Variants in SYT11 observed in about 807,000 individuals in gnomAD.
SYT11 encodes the protein synaptotagmin 11, also known as synaptotagmin-11.
SYT11 carries 12 observed loss-of-function variants against 30.4 expected under a neutral mutation model. The ratio of observed to expected loss-of-function variants is 0.39; its 90% confidence interval spans 0.25 to 0.64. The LOEUF (loss-of-function observed/expected upper bound fraction) is 0.64. Among genes scored for constraint, SYT11 ranks in the 30% least tolerant of loss-of-function variants. The pLI, the probability that SYT11 is intolerant of heterozygous loss-of-function variation, is 0.45. For synonymous variants in SYT11, 204 were observed against 216.0 expected, an observed-to-expected ratio of 0.94 and a Z score of 0.49; for missense variants, 412 against 552.0, an observed-to-expected ratio of 0.75 and a Z score of 2.54.
At chr1:155,859,868 G>GCA in intron 1 of SYT11, 73 bp downstream of exon 1, 1 of 1,400,154 alleles carries the variant, frequency 7.1e-7, no homozygotes, top group Non-Finnish European at 1.0e-6. Context: ...CAGCGGCAGG[G>GCA]CAGAGAATGC....
Position 155,882,333 on chromosome 1 carries a change from A to G in SYT11, c.*825A>G, listed in dbSNP as rs1188647176. On this transcript the variant is annotated 3_prime_UTR_variant, in exon 4 of 4. Transcript: ENST00000368324. ...AAAACCTCATGTTTTCATCATTCCC[A>G]TCTTTTCTTTTTATTGCCTCTTATA... 2 of 152,174 alleles carry G rather than the reference A, an allele frequency of 1.3e-5. No individual in the cohort carries two copies. Among genetic ancestry groups the G allele is most frequent in the African/African-American group, 2.4e-5 (1 of 41,374 alleles). The allele number at this position is 152,174 out of a possible 1,614,324, so 9.4% of individuals were successfully genotyped here.
At position 155,868,805 on chromosome 1, in the gene SYT11, G is replaced by A. The variant is rs200790555; in HGVS notation, c.861+14G>A. On this transcript the variant is annotated intron_variant, in intron 2 of 3. Transcript: ENST00000368324. The surrounding 1 kb of genome is among the most constrained non-coding windows in gnomAD (Gnocchi z 4.7). ...AGGAATATCCAGGTGAGTAGGAAGT[G>A]TGTGTTGGGGAGCAATGGTAGGTTG... 477 of 1,599,884 alleles carry A rather than the reference G, an allele frequency of 3.0e-4. 1 individual carries two copies. The African/African-American group carries it at 5.5e-3, about 19-fold the overall frequency.
Position 155,868,468 on chromosome 1 carries a change from G to A in SYT11, c.538G>A (p.Glu180Lys), listed in dbSNP as rs372339571. The A allele has an allele frequency of 2.5e-6, 4 of 1,614,078 alleles. No homozygotes were observed. The highest frequency in any genetic ancestry group is 3.4e-6 in the Non-Finnish European group (4 of 1,179,980). Residue 180 changes from glutamate to lysine, a missense_variant, in exon 2 of 4, where the codon GAG (glutamate) becomes AAG (lysine). By Grantham distance (56) the Glu-to-Lys change is moderately conservative. Coordinates refer to ENST00000368324, the MANE Select transcript of SYT11 (RefSeq NM_152280.5). The surrounding 1 kb of genome is among the most constrained non-coding windows in gnomAD (Gnocchi z 4.7). ...PKKALVVTIQ[E>K]AHGLPVMDDQ... ...AAAAGCCCTGGTGGTGACAATCCAG[G>A]AGGCCCATGGGCTGCCAGTGATGGA...
At chr1:155,867,379 A>G (rs1672698717) in intron 1 of SYT11, among the ~76,000 whole-genome samples, 1 of 152,084 alleles carries the variant, frequency 6.6e-6, no homozygotes, top group Non-Finnish European at 1.5e-5. Flanking sequence ...TATACCTGGG[A>G]GCTAAAATTT....
At chr1:155,877,859 G>C (rs1273604159) in intron 2 of SYT11, among the ~76,000 whole-genome samples, 1 of 152,166 alleles carries the variant, frequency 6.6e-6, no homozygotes, top group Non-Finnish European at 1.5e-5. Context: ...CCCGGCTATA[G>C]CGGCCTCTTA....
intron 2 of SYT11, among the ~76,000 whole-genome samples, chr1:155,872,610 C>T (rs1032904506): frequency 5.9e-5 from 9 of 152,162 alleles, no homozygotes; most frequent in African/African-American, 2.2e-4. Flanking sequence ...CTTCTGCTTG[C>T]CTGCCCCCCA....
chr1:155,880,893 AG>A (rs1461819606), intron 3 of SYT11, among the ~76,000 whole-genome samples: 1 of 152,216 alleles, frequency 6.6e-6, no homozygotes, highest in African/African-American at 2.4e-5. Flanking sequence ...CTTCTCAAAA[AG>A]GCTGCAGGCA....
At chr1:155,873,263 T>TA (rs1447001454) in intron 2 of SYT11, among the ~76,000 whole-genome samples, 1 of 152,020 alleles carries the variant, frequency 6.6e-6, no homozygotes, top group Non-Finnish European at 1.5e-5. Context: ...CCGTTTCTAC[T>TA]AAAAATACAA....
chr1:155,871,133 A>G (rs976961148), intron 2 of SYT11, among the ~76,000 whole-genome samples: 5 of 152,154 alleles, frequency 3.3e-5, no homozygotes, highest in African/African-American at 1.2e-4. Flanking sequence ...TGTGGTTCTC[A>G]ATGCCAGGAT....
At chr1:155,872,964 C>A (rs927040028) in intron 2 of SYT11, among the ~76,000 whole-genome samples, 2 of 152,058 alleles carry the variant, frequency 1.3e-5, no homozygotes, top group African/African-American at 4.8e-5. Context: ...AAAGGGTAAC[C>A]AGAAGTTGTC....
At chr1:155,871,617 G>C (rs1484732801) in intron 2 of SYT11, among the ~76,000 whole-genome samples, 1 of 152,204 alleles carries the variant, frequency 6.6e-6, no homozygotes, top group Non-Finnish European at 1.5e-5. Flanking sequence ...GCTGCCAGGG[G>C]CTCTTGGCAA....
At chr1:155,862,546 T>A (rs1672610510) in intron 1 of SYT11, among the ~76,000 whole-genome samples, 1 of 152,222 alleles carries the variant, frequency 6.6e-6, no homozygotes, top group African/African-American at 2.4e-5. Context: ...AATATGAGAA[T>A]TCTTCATCTT....
intron 2 of SYT11, among the ~76,000 whole-genome samples, chr1:155,877,543 C>T (rs1192614490): frequency 6.7e-6 from 1 of 149,572 alleles, no homozygotes; most frequent in Non-Finnish European, 1.5e-5. Flanking sequence ...CACGCCACTG[C>T]GCCCAGCTAA....
chr1:155,871,593 A>G (rs1451310882), intron 2 of SYT11, among the ~76,000 whole-genome samples: 3 of 152,196 alleles, frequency 2.0e-5, no homozygotes, highest in African/African-American at 7.2e-5. Flanking sequence ...AGCACAGACA[A>G]TGGCATTTGC....
Position 155,881,227 on chromosome 1 carries a change from G to A in SYT11, c.1015G>A (p.Gly339Ser), listed in dbSNP as rs774048862. The A allele has an allele frequency of 4.3e-6, 7 of 1,613,906 alleles. No individual in the cohort carries two copies. The highest frequency in any genetic ancestry group is 2.2e-5 in the South Asian group (2 of 91,064). ...TTATGTCAAGGTGAACGTCTACTAC[G>A]GCAGAAAGCGCATTGCCAAGAAGAA... ...NPYVKVNVYY[G>S]RKRIAKKKTH... is the part of the protein sequence containing the mutation. Residue 339 changes from glycine to serine, a missense_variant, in exon 4 of 4, where the codon GGC (glycine) becomes AGC (serine). Gly to Ser is a moderately conservative substitution (Grantham distance 56). Coordinates refer to ENST00000368324, the MANE Select transcript of SYT11 (RefSeq NM_152280.5).
rs1357672555 is a variant in SYT11, at chr1:155,860,184, C to T, written c.34+389C>T. Among the ~76,000 whole-genome samples, 1 of 152,232 alleles carries T rather than the reference C, an allele frequency of 6.6e-6. No individual in the cohort carries two copies. Among genetic ancestry groups the T allele is most frequent in the Admixed American group, 6.5e-5 (1 of 15,288 alleles). ...CACACAGGGCGGTGCCCCTTCCTCC[C>T]CCTCCCATTCCTAAGGGCTGCGGGG... On this transcript the variant is annotated intron_variant, in intron 1 of 3. Coordinates refer to ENST00000368324, the MANE Select transcript of SYT11 (RefSeq NM_152280.5). The surrounding 1 kb of genome is among the most constrained non-coding windows in gnomAD (Gnocchi z 4.1).
At chr1:155,874,442 A>G (rs1202468090) in intron 2 of SYT11, among the ~76,000 whole-genome samples, 1 of 152,106 alleles carries the variant, frequency 6.6e-6, no homozygotes, top group African/African-American at 2.4e-5. Flanking sequence ...TTTACCAAGA[A>G]TACAAAAATT....
chr1:155,866,810 C>A (rs1171585321), intron 1 of SYT11, among the ~76,000 whole-genome samples: 1 of 151,792 alleles, frequency 6.6e-6, no homozygotes, highest in Non-Finnish European at 1.5e-5. Context: ...GGGAAGAAAA[C>A]CCCTATTTCT....
At chr1:155,862,724 T>C (rs990631835) in intron 1 of SYT11, among the ~76,000 whole-genome samples, 1 of 152,224 alleles carries the variant, frequency 6.6e-6, no homozygotes, top group Admixed American at 6.5e-5. Context: ...AGCCTTCAGA[T>C]CTCTCTTTAT....
Sources: allele counts gnomAD v4.1 joint callset (sites outside exome capture counted in the v4.1 genomes callset), GRCh38; gene constraint gnomAD v4.1.1; non-coding constraint Gnocchi (gnomAD v3.1); transcripts MANE v1.5; gene names NCBI Gene and HGNC (gene_info 2026-07-23, HGNC 2026-07-21).